Variants in PRR5L observed in about 807,000 individuals in gnomAD.
PRR5L encodes proline-rich protein 5-like.
PRR5L carries 21 observed loss-of-function variants against 36.4 expected under a neutral mutation model. That is an observed-to-expected ratio of 0.58 (90% CI 0.41 to 0.83). PRR5L has a LOEUF of 0.83. PRR5L is among the 40% of genes least tolerant of loss of function. The pLI is 0.00. For missense variants in PRR5L, 381 were observed against 473.3 expected (o/e 0.80, Z 1.81); for synonymous variants, 188 against 197.0 (o/e 0.95, Z 0.38).
chr11:36,355,715 A>AT (rs1033743144), intron 1 of PRR5L, among the ~76,000 whole-genome samples: 4 of 150,948 alleles, frequency 2.6e-5, no homozygotes, highest in Admixed American at 6.6e-5. Context: ...ATGCCCAGCT[A>AT]TTTTTTTTAA....
At chr11:36,360,087 AC>A in intron 1 of PRR5L, among the ~76,000 whole-genome samples, 2 of 151,808 alleles carry the variant, frequency 1.3e-5, no homozygotes, top group Non-Finnish European at 2.9e-5. Flanking sequence ...ACACACACAC[AC>A]ACACACAGAC....
At position 36,346,730 on chromosome 11, in the gene PRR5L, G is replaced by C. The variant is rs988387583; in HGVS notation, c.-126+50292G>C. Among the ~76,000 whole-genome samples, 5 of 152,114 alleles carry C rather than the reference G, an allele frequency of 3.3e-5. No homozygotes were observed. The South Asian group carries it at 8.3e-4, about 25-fold the overall frequency. Reference sequence around the variant, plus strand: ...ATGAAATACTAGATAGCTTTTAAAAGAATATTAGCTCCGTAGGCAGTGACC... The same window carrying C: ...ATGAAATACTAGATAGCTTTTAAAACAATATTAGCTCCGTAGGCAGTGACC... On this transcript the variant is annotated intron_variant, in intron 1 of 8. Transcript: ENST00000530639.
intron 6 of PRR5L, among the ~76,000 whole-genome samples, chr11:36,444,760 T>C (rs897155075): frequency 1.3e-5 from 2 of 152,218 alleles, no homozygotes; most frequent in Non-Finnish European, 2.9e-5. Context: ...CCACATTCTA[T>C]AGTTTAAATC....
At chr11:36,339,320 C>T (rs1224534318) in intron 1 of PRR5L, among the ~76,000 whole-genome samples, 1 of 152,210 alleles carries the variant, frequency 6.6e-6, no homozygotes, top group East Asian at 1.9e-4. Context: ...TCTGAAACTT[C>T]TGACCTCAGA....
chr11:36,360,422 A>G (rs1272149551), intron 1 of PRR5L, among the ~76,000 whole-genome samples: 1 of 152,220 alleles, frequency 6.6e-6, no homozygotes, highest in Non-Finnish European at 1.5e-5. Flanking sequence ...AAACAGGAAA[A>G]TGGGGACGAG....
intron 1 of PRR5L, among the ~76,000 whole-genome samples, chr11:36,305,755 A>G (rs1437383363): frequency 1.3e-5 from 2 of 152,208 alleles, no homozygotes; most frequent in Admixed American, 6.5e-5. Context: ...TGGGCCCTCA[A>G]TAGACACTGA....
intron 1 of PRR5L, among the ~76,000 whole-genome samples, chr11:36,334,211 T>G (rs1856747289): frequency 6.6e-6 from 1 of 152,150 alleles, no homozygotes. Flanking sequence ...TGGATGGTGG[T>G]CTTGGGTCCC....
intron 1 of PRR5L, among the ~76,000 whole-genome samples, chr11:36,325,285 G>A (rs1018660491): frequency 2.0e-5 from 3 of 152,362 alleles, no homozygotes; most frequent in South Asian, 2.1e-4. Context: ...AGCAATGGGC[G>A]CCTCGCTGGA....
chr11:36,441,440 T>C (rs1460434185), intron 6 of PRR5L, among the ~76,000 whole-genome samples: 1 of 152,222 alleles, frequency 6.6e-6, no homozygotes, highest in Non-Finnish European at 1.5e-5. Context: ...GACCCCATGT[T>C]CCACATCCAG....
intron 1 of PRR5L, among the ~76,000 whole-genome samples, chr11:36,378,145 T>A (rs1294150797): frequency 6.6e-6 from 1 of 152,160 alleles, no homozygotes; most frequent in Admixed American, 6.5e-5. Flanking sequence ...TGTGGTAAAT[T>A]GCTCTGGGGT....
At chr11:36,399,912 T>G (rs1857754638) in intron 1 of PRR5L, among the ~76,000 whole-genome samples, 1 of 152,276 alleles carries the variant, frequency 6.6e-6, no homozygotes, top group South Asian at 2.1e-4. Flanking sequence ...TCACATGATC[T>G]CATTTCATCT....
At chr11:36,329,372 G>A (rs1725745986) in intron 1 of PRR5L, 1 of 152,142 alleles carries the variant, frequency 6.6e-6, no homozygotes, top group African/African-American at 2.4e-5. Context: ...AGTCAGGAAG[G>A]TGGGAGAAAA....
intron 1 of PRR5L, among the ~76,000 whole-genome samples, chr11:36,315,083 T>C (rs17742101): frequency 0.12 from 18,757 of 152,180 alleles, 1,582 homozygotes; most frequent in Admixed American, 0.23. Context: ...GATGTGTGTA[T>C]AAGGACTATA....
At chr11:36,386,614 T>A in intron 1 of PRR5L, 1 of 152,328 alleles carries the variant, frequency 6.6e-6, no homozygotes, top group East Asian at 1.9e-4. Flanking sequence ...GTTTAATCTC[T>A]CGGCTCTGTG....
At chr11:36,339,266 G>A (rs1856796808) in intron 1 of PRR5L, among the ~76,000 whole-genome samples, 2 of 152,162 alleles carry the variant, frequency 1.3e-5, no homozygotes, top group African/African-American at 2.4e-5. Flanking sequence ...GCTAATTTTT[G>A]TATTTTTAGT....
At chr11:36,376,675 G>A in intron 1 of PRR5L, 1 of 991,616 alleles carries the variant, frequency 1.0e-6, no homozygotes. Flanking sequence ...TGCGCGACTC[G>A]GGGTGATTCA....
chr11:36,374,004 C>T (rs769298133), intron 1 of PRR5L, among the ~76,000 whole-genome samples: 2 of 152,062 alleles, frequency 1.3e-5, no homozygotes, highest in Admixed American at 6.6e-5. Context: ...TGATGTTCTA[C>T]CCTGAAAGTA....
chr11:36,316,654 G>C (rs925377864), intron 1 of PRR5L, among the ~76,000 whole-genome samples: 1 of 152,110 alleles, frequency 6.6e-6, no homozygotes, highest in Non-Finnish European at 1.5e-5. Flanking sequence ...CCAGTGCAGG[G>C]TCTGCAAAAT....
chr11:36,375,414 C>T (rs1857244568), intron 1 of PRR5L, among the ~76,000 whole-genome samples: 1 of 152,124 alleles, frequency 6.6e-6, no homozygotes, highest in East Asian at 1.9e-4. Context: ...CTTCAACCCG[C>T]TCTCATGCCC....
Sources: allele counts gnomAD v4.1 joint callset (sites outside exome capture counted in the v4.1 genomes callset), GRCh38; gene constraint gnomAD v4.1.1; transcripts MANE v1.5; gene names NCBI Gene and HGNC (gene_info 2026-07-23, HGNC 2026-07-21).